The following NLRC3 variants were observed in gnomAD, a reference collection of about 807,000 sequenced individuals.
NLRC3 encodes the protein NLR family CARD domain-containing protein 3.
A neutral mutation model predicts 91.6 loss-of-function variants in NLRC3; 87 were observed. The observed-to-expected ratio is 0.95, with a 90% CI of 0.80 to 1.14. The LOEUF (loss-of-function observed/expected upper bound fraction) is 1.14, where lower values mean the gene tolerates loss of function less well. Ranked by LOEUF, NLRC3 falls within the 50% of genes most tolerant of loss-of-function variation. The probability of loss-of-function intolerance (pLI) is 0.00; values close to 1 mark genes in which losing one functional copy is unlikely to be tolerated. For synonymous variants in NLRC3, 694 were observed against 625.3 expected (o/e 1.11, Z -1.64); for missense variants, 1,577 against 1,418.6 (o/e 1.11, Z -1.79).
intron 1 of NLRC3, among the ~76,000 whole-genome samples, chr16:3,568,858 C>T (rs1411083500): frequency 6.6e-6 from 1 of 152,014 alleles, no homozygotes; most frequent in Non-Finnish European, 1.5e-5. Context: ...TTGCCAGTTC[C>T]TTATTTGTAT....
chr16:3,566,724 TAAAAA>T (rs144030899), intron 2 of NLRC3, among the ~76,000 whole-genome samples: 1 of 123,914 alleles, frequency 8.1e-6, no homozygotes, highest in East Asian at 2.3e-4. Context: ...AAACTCCGTA[TAAAAA>T]AAAAAAAAAA....
rs774098538 is a variant in NLRC3, at chr16:3,564,103, G to A, written c.834C>T (p.Gly278=). 6 of 1,613,510 alleles carry A rather than the reference G, an allele frequency of 3.7e-6. No individual in the cohort carries two copies. In the Admixed American group the frequency reaches 1.0e-4, roughly 27 times the overall value. ...GGATCTCCGTCATCCGGTCCACCAG[G>A]CCCCCTGGGATCTGGCCAGATGCAC... ...RPSASGQIPG[G]LVDRMTEIRG... is the part of the protein sequence containing the mutation. Residue 278 remains glycine (G), a synonymous_variant, in exon 5 of 20, where the codon GGC becomes GGT. Coordinates refer to ENST00000359128, the MANE Select transcript of NLRC3 (RefSeq NM_178844.4). This position sits in a 1 kb window ranked among gnomAD's most constrained non-coding sequence, Gnocchi z 5.9.
At chr16:3,542,843 G>T in intron 17 of NLRC3, 68 bp from the exon 18 acceptor site, 2 of 1,103,560 alleles carry the variant, frequency 1.8e-6, no homozygotes, top group Non-Finnish European at 2.7e-6. Flanking sequence ...CCCTCTGCGG[G>T]TGGGCTTGGG....
At chr16:3,543,797 A>G (rs1053897985) in intron 16 of NLRC3, 11 of 438,990 alleles carry the variant, frequency 2.5e-5, no homozygotes, top group African/African-American at 5.9e-5. Context: ...TGAGCCCCCA[A>G]CTGCTAATAT....
chr16:3,565,524 T>C (rs959374362), intron 2 of NLRC3, 144 bp from the exon 3 acceptor site: 26 of 328,024 alleles, frequency 7.9e-5, no homozygotes, highest in Non-Finnish European at 1.2e-4. Flanking sequence ...CTGGGGACGC[T>C]ACACTGTGTG....
At position 3,541,690 on chromosome 16, in the gene NLRC3, C is replaced by A; in HGVS notation, c.*135G>T. On this transcript the variant is annotated 3_prime_UTR_variant, in exon 20 of 20. Coordinates refer to ENST00000359128, the MANE Select transcript of NLRC3 (RefSeq NM_178844.4). ...ACCTCCTCCGGCAGCACCTCTCCTT[C>A]CTCCCTGCAGAGCCCGGCTCTCGTG... 1 of 645,436 alleles carries A rather than the reference C, an allele frequency of 1.5e-6. No individual in the cohort carries two copies. The highest frequency in any genetic ancestry group is 2.8e-6 in the Non-Finnish European group (1 of 362,924). The allele number at this position is 645,436 out of a possible 1,614,324, so 40.0% of individuals were successfully genotyped here.
At position 3,556,825 on chromosome 16, in the gene NLRC3, C is replaced by T. The variant is rs770594547; in HGVS notation, c.2183+86G>A. 7.5e-4 allele frequency: 661 copies of T among 883,774 alleles called. 8 individuals carry two copies. Among genetic ancestry groups the T allele is most frequent in the Admixed American group, 1.4e-3 (71 of 50,158 alleles). 54.7% of individuals were successfully genotyped at this position (883,774 alleles called of 1,614,324 possible). On this transcript the variant is annotated intron_variant, in intron 8 of 19. Coordinates refer to ENST00000359128, the MANE Select transcript of NLRC3 (RefSeq NM_178844.4). ...GCCCCATGCCTGCCATTGTGAATCA[C>T]CTCCCATTCTCATAGGTGGTGCCTG...
In NLRC3 at chr16:3,551,620, C is replaced by T. The variant is rs946418468; in HGVS notation, c.2351+576G>A. The stretch of plus-strand genomic sequence containing the variant: ...TCATCCACCCATCCATCCATCCATC[C>T]ATCCATCCATTCATTCAACCATCCA... On this transcript the variant is annotated intron_variant, in intron 10 of 19. Transcript: ENST00000359128. Among the ~76,000 whole-genome samples, 3 of 151,742 alleles carry T rather than the reference C, an allele frequency of 2.0e-5. No homozygotes were observed. The East Asian group carries it at 5.8e-4, about 29-fold the overall frequency.
chr16:3,567,271 A>C lies in NLRC3; in HGVS notation c.-115T>G, dbSNP rs2039921220. On this transcript the variant is annotated 5_prime_UTR_variant, in exon 2 of 20. Transcript: ENST00000359128. ...GCACCCTGGCCACAGCAGCCCCTCC[A>C]GTGGGGCCCCAGGAACTCAATGGAT... The C allele has an allele frequency of 6.9e-6, 1 of 145,788 alleles. No homozygotes were observed. 9.0% of individuals were successfully genotyped at this position (145,788 alleles called of 1,614,324 possible). A position where few individuals can be genotyped will look rare whatever the true frequency, so the allele number is the denominator to read the frequency against.
rs1412310384 is a variant in NLRC3, at chr16:3,539,155, A to C, written c.*2670T>G. On this transcript the variant is annotated 3_prime_UTR_variant, in exon 20 of 20. Transcript: ENST00000359128. Reference sequence around the variant, plus strand: ...CAAGAAGAAATAGATCCCTCTCATTAGCACTTTAATATCAGTGTCACGTGT... The same window carrying C: ...CAAGAAGAAATAGATCCCTCTCATTCGCACTTTAATATCAGTGTCACGTGT... 4.6e-5 allele frequency: 7 copies of C among 152,310 alleles called. No individual in the cohort carries two copies. The highest frequency in any genetic ancestry group is 1.5e-5 in the Non-Finnish European group (1 of 68,022). The allele number at this position is 152,310 out of a possible 1,614,324, so 9.4% of individuals were successfully genotyped here.
intron 16 of NLRC3, 81 bp downstream of exon 16, chr16:3,544,165 A>C: frequency 1.7e-6 from 1 of 586,194 alleles, no homozygotes; most frequent in Non-Finnish European, 2.7e-6. Context: ...TCTCGAGGAA[A>C]AAAAAAAAAA....
intron 8 of NLRC3, 28 bp downstream of exon 8, chr16:3,556,883 C>T (rs1421012373): frequency 3.9e-6 from 6 of 1,550,166 alleles, no homozygotes; most frequent in Non-Finnish European, 3.6e-6. Flanking sequence ...CTCTTGGGGT[C>T]ACAACACAGG....
At chr16:3,568,825 T>C (rs540146960) in intron 1 of NLRC3, among the ~76,000 whole-genome samples, 1 of 152,316 alleles carries the variant, frequency 6.6e-6, no homozygotes, top group African/African-American at 2.4e-5. Flanking sequence ...CTGTAAAACT[T>C]TATATTTTTT....
intron 15 of NLRC3, among the ~76,000 whole-genome samples, chr16:3,546,172 A>G (rs2151082596): frequency 6.6e-6 from 1 of 152,238 alleles, no homozygotes; most frequent in Non-Finnish European, 1.5e-5. Flanking sequence ...CCAAGGTGGG[A>G]GGATCGCTTG....
chr16:3,543,426 C>A lies in NLRC3; in HGVS notation c.2938G>T (p.Asp980Tyr). 2 of 1,607,108 alleles carry A rather than the reference C, an allele frequency of 1.2e-6. No individual in the cohort carries two copies. Among genetic ancestry groups the A allele is most frequent in the South Asian group, 1.1e-5 (1 of 90,306 alleles). ...LAVNRTLEIL[D>Y]LRGNAIGVAG... is the part of the protein sequence containing the mutation. ...ATAGATGGAGACTGGAATACTTACT[C>A]GAGAATCTCCAAGGTTCTGTTCACA... Residue 980 changes from aspartate to tyrosine, a missense_variant and splice_region_variant, in exon 17 of 20, where the codon GAC becomes TAC. Asp to Tyr is a radical substitution (Grantham distance 160). Transcript: ENST00000359128.
intron 15 of NLRC3, among the ~76,000 whole-genome samples, chr16:3,546,516 C>G (rs1596438665): frequency 6.6e-6 from 1 of 151,854 alleles, no homozygotes; most frequent in East Asian, 2.0e-4. Flanking sequence ...GAGATCACGC[C>G]TCTGCACTCC....
At chr16:3,554,359 A>G (rs1283034774) in intron 8 of NLRC3, 34 bp from the exon 9 acceptor site, 2 of 1,545,850 alleles carry the variant, frequency 1.3e-6, no homozygotes, top group Admixed American at 1.7e-5. Context: ...TCACTGATGG[A>G]GCAGAAGCTG....
Position 3,552,284 on chromosome 16 carries a change from G to A in NLRC3, c.2268-5C>T, listed in dbSNP as rs1405000463. On this transcript the variant is annotated splice_polypyrimidine_tract_variant and splice_region_variant and intron_variant, in intron 9 of 19. Transcript: ENST00000359128. ...CCGATGCTGTTCTTCTGCAGGCTGT[G>A]GGAGAAAAGAGAGGGGTCCTTTAGA... is the stretch of plus-strand genomic sequence containing the variant. The A allele has an allele frequency of 3.7e-6, 6 of 1,609,598 alleles. No homozygotes were observed. Among genetic ancestry groups the A allele is most frequent in the Non-Finnish European group, 5.1e-6 (6 of 1,176,120 alleles).
intron 1 of NLRC3, among the ~76,000 whole-genome samples, chr16:3,571,825 G>A (rs868432988): frequency 2.8e-3 from 420 of 150,840 alleles, no homozygotes; most frequent in Middle Eastern, 0.01. Flanking sequence ...CTGTAGTCCC[G>A]GCTACTCGGG....
Sources: gnomAD v4.1 joint callset for allele counts (sites outside exome capture counted in the v4.1 genomes callset) on GRCh38, gnomAD v4.1.1 for gene constraint, Gnocchi (gnomAD v3.1) non-coding constraint, MANE v1.5 for transcripts, NCBI Gene and HGNC (gene_info 2026-07-23, HGNC 2026-07-21) for gene names.